Variants in MGAT4C observed in about 807,000 individuals in gnomAD.
The protein encoded by MGAT4C is MGAT4 family member C.
Under a neutral mutation model 40.1 loss-of-function variants are expected in MGAT4C, and 19 were observed. The observed-to-expected ratio is 0.47, with a 90% confidence interval of 0.33 to 0.70. MGAT4C has a LOEUF of 0.70. MGAT4C is among the 30% of genes least tolerant of loss of function. The pLI, the probability that MGAT4C is intolerant of heterozygous loss-of-function variation, is 0.02. For synonymous variants in MGAT4C, 181 were observed against 187.1 expected (o/e 0.97, Z 0.27); for missense variants, 491 against 563.2 (o/e 0.87, Z 1.30).
intron 2 of MGAT4C, among the ~76,000 whole-genome samples, chr12:86,687,576 G>A (rs571831825): frequency 6.6e-6 from 1 of 152,224 alleles, no homozygotes; most frequent in African/African-American, 2.4e-5. Context: ...ATTTATTTCT[G>A]ACTTTATTTT....
At chr12:86,344,732 GTGTGTGTGTGTGTGTGTGTGTGTA>G (rs1052402940) in intron 3 of MGAT4C, among the ~76,000 whole-genome samples, 1 of 142,044 alleles carries the variant, frequency 7.0e-6, no homozygotes, top group African/African-American at 2.5e-5. Flanking sequence ...GTGTGTGTGT[GTGTGTGTGTGTGTGTGTGTGTGTA>G]TGTGTGTGTG....
intron 2 of MGAT4C, among the ~76,000 whole-genome samples, chr12:86,496,736 T>G (rs560933416): frequency 6.6e-6 from 1 of 152,096 alleles, no homozygotes; most frequent in South Asian, 2.1e-4. Flanking sequence ...TGAAAAACAC[T>G]TCTATAATTG....
chr12:86,406,052 T>C (rs1956466500), intron 3 of MGAT4C, among the ~76,000 whole-genome samples: 1 of 145,610 alleles, frequency 6.9e-6, no homozygotes. Context: ...ATAATTATTA[T>C]ATATATACAG....
intron 2 of MGAT4C, among the ~76,000 whole-genome samples, chr12:86,667,528 T>C (rs1042003737): frequency 1.3e-5 from 2 of 152,122 alleles, no homozygotes. Context: ...ATAGCATCAG[T>C]TTCATAAGCC....
intron 2 of MGAT4C, among the ~76,000 whole-genome samples, chr12:86,641,143 G>C (rs1464332571): frequency 4.6e-5 from 7 of 151,774 alleles, no homozygotes; most frequent in African/African-American, 1.7e-4. Flanking sequence ...TGATAGACTG[G>C]ATTAAGAAAA....
chr12:86,295,600 G>C (rs1024817820), intron 4 of MGAT4C, among the ~76,000 whole-genome samples: 2 of 152,186 alleles, frequency 1.3e-5, no homozygotes, highest in African/African-American at 4.8e-5. Context: ...GGTTGCCAAT[G>C]CTGGCTCTGG....
chr12:86,487,934 T>C (rs1389204082), intron 2 of MGAT4C, among the ~76,000 whole-genome samples: 3 of 152,306 alleles, frequency 2.0e-5, no homozygotes, highest in Non-Finnish European at 4.4e-5. Flanking sequence ...ATTTTGAATG[T>C]GGAATGTTAT....
chr12:86,673,963 A>G (rs1264660528), intron 2 of MGAT4C, among the ~76,000 whole-genome samples: 1 of 152,016 alleles, frequency 6.6e-6, no homozygotes, highest in Non-Finnish European at 1.5e-5. Context: ...ATTATAAATG[A>G]TAAATGATGG....
intron 3 of MGAT4C, among the ~76,000 whole-genome samples, chr12:86,366,306 T>C (rs1400534316): frequency 6.6e-6 from 1 of 152,204 alleles, no homozygotes; most frequent in Non-Finnish European, 1.5e-5. Flanking sequence ...GGTTTCTATG[T>C]ATAGAATCAT....
intron 1 of MGAT4C, among the ~76,000 whole-genome samples, chr12:86,158,409 C>T (rs1397851877): frequency 6.6e-6 from 1 of 152,076 alleles, no homozygotes; most frequent in African/African-American, 2.4e-5. Flanking sequence ...TGGAATTTGG[C>T]TGCTCTAAAC....
At chr12:86,403,990 C>G (rs1188469482) in intron 3 of MGAT4C, among the ~76,000 whole-genome samples, 1 of 152,010 alleles carries the variant, frequency 6.6e-6, no homozygotes, top group African/African-American at 2.4e-5. Context: ...TTGAGATAAT[C>G]AAATATTACC....
chr12:86,106,029 T>C (rs753632285), intron 1 of MGAT4C, among the ~76,000 whole-genome samples: 14 of 152,302 alleles, frequency 9.2e-5, no homozygotes, highest in East Asian at 1.9e-4. Flanking sequence ...AAAAAAATTT[T>C]AGTGCTATAT....
chr12:86,569,208 T>A (rs1398900245), intron 2 of MGAT4C, among the ~76,000 whole-genome samples: 2 of 151,902 alleles, frequency 1.3e-5, no homozygotes, highest in Non-Finnish European at 2.9e-5. Flanking sequence ...CTGAAAACCT[T>A]TGCACAGCAA....
At chr12:86,694,765 G>T (rs1412951818) in intron 2 of MGAT4C, among the ~76,000 whole-genome samples, 4 of 152,010 alleles carry the variant, frequency 2.6e-5, no homozygotes, top group Non-Finnish European at 4.4e-5. Flanking sequence ...AAATAGAAAT[G>T]GATTAAAGAT....
intron 2 of MGAT4C, among the ~76,000 whole-genome samples, chr12:86,631,072 C>T (rs1963021024): frequency 6.6e-6 from 1 of 152,092 alleles, no homozygotes; most frequent in South Asian, 2.1e-4. Context: ...GATACAAAAT[C>T]AATGTGCAAA....
chr12:86,118,427 G>A (rs952372459), intron 1 of MGAT4C, among the ~76,000 whole-genome samples: 1 of 152,158 alleles, frequency 6.6e-6, no homozygotes, highest in South Asian at 2.1e-4. Context: ...TGTTTCAGAA[G>A]AGCTGCTTAG....
intron 2 of MGAT4C, among the ~76,000 whole-genome samples, chr12:86,650,926 T>C (rs1963677911): frequency 6.6e-6 from 1 of 151,900 alleles, no homozygotes. Context: ...CAGGACTAGA[T>C]GTTTTTATAG....
chr12:86,135,591 A>G (rs1013892943), intron 1 of MGAT4C, among the ~76,000 whole-genome samples: 7 of 152,162 alleles, frequency 4.6e-5, no homozygotes, highest in African/African-American at 1.4e-4. Context: ...GTTATGAACT[A>G]TACCTGCCTT....
rs374109358 is a variant in MGAT4C at position 86,446,613 on chromosome 12, T to C, written c.-228-11348A>G. Among the ~76,000 whole-genome samples the C allele has an allele frequency of 2.1e-3, 296 of 143,164 alleles. 11 individuals are homozygous for C. In the South Asian group the frequency reaches 0.064, roughly 31 times the overall value. The allele number at this position is 143,164 out of a possible 152,430, so 93.9% of individuals were successfully genotyped here. A position where few individuals can be genotyped will look rare whatever the true frequency, so the allele number is the denominator to read the frequency against. On this transcript the variant is annotated intron_variant, in intron 2 of 7. Transcript: ENST00000548651. The stretch of plus-strand genomic sequence containing the variant: ...TTTTCTACATTGTGTACTGTTCATA[T>C]ACGATGAAAACTGCTATCAGGACTT...
Sources: allele counts gnomAD v4.1 joint callset (sites outside exome capture counted in the v4.1 genomes callset), GRCh38; gene constraint gnomAD v4.1.1; transcripts MANE v1.5; gene names NCBI Gene and HGNC (gene_info 2026-07-23, HGNC 2026-07-21).